The following MRTFB variants were observed in gnomAD, a reference collection of about 807,000 sequenced individuals.
MRTFB encodes myocardin related transcription factor B.
A neutral mutation model predicts 104.2 loss-of-function variants in MRTFB; 29 were observed. The observed-to-expected ratio is 0.28, with a 90% CI of 0.21 to 0.38. The LOEUF is 0.38. Among genes scored for constraint, MRTFB ranks in the 10% least tolerant of loss-of-function variants. The probability of loss-of-function intolerance (pLI) is 1.00; values close to 1 mark genes in which losing one functional copy is unlikely to be tolerated. For synonymous variants in MRTFB, 535 were observed against 519.5 expected, an observed-to-expected ratio of 1.03 and a Z score of -0.41; for missense variants, 1,270 against 1,341.6, an observed-to-expected ratio of 0.95 and a Z score of 0.83.
chr16:14,212,437 A>G (rs1271672017), intron 5 of MRTFB, 28 bp downstream of exon 5: 7 of 1,605,758 alleles, frequency 4.4e-6, no homozygotes, highest in South Asian at 1.1e-5. Flanking sequence ...AAAATGTTCT[A>G]CTTCTCTCTC....
intron 2 of MRTFB, among the ~76,000 whole-genome samples, chr16:14,094,606 T>G (rs1457943795): frequency 6.6e-6 from 1 of 152,220 alleles, no homozygotes; most frequent in Non-Finnish European, 1.5e-5. Flanking sequence ...TTCTTCCTGT[T>G]AATAAAATCT....
chr16:14,237,677 C>T (rs181767159), intron 9 of MRTFB, among the ~76,000 whole-genome samples: 7 of 152,068 alleles, frequency 4.6e-5, no homozygotes, highest in African/African-American at 1.7e-4. Flanking sequence ...CAAGGGAGTA[C>T]AGAAACCAGT....
the MRTFB span, among the ~76,000 whole-genome samples, chr16:14,025,891 A>G: frequency 3.3e-5 from 5 of 152,378 alleles, no homozygotes; most frequent in Admixed American, 1.3e-4. Flanking sequence ...ACTCAGGGAA[A>G]AAAACCCTTA....
At chr16:14,135,631 T>C (rs1262218019) in intron 2 of MRTFB, among the ~76,000 whole-genome samples, 4 of 152,252 alleles carry the variant, frequency 2.6e-5, no homozygotes, top group Admixed American at 1.3e-4. Context: ...AATTTATTCC[T>C]GTTTCTGCAT....
the MRTFB span, among the ~76,000 whole-genome samples, chr16:14,030,014 G>T: frequency 6.6e-6 from 1 of 151,988 alleles, no homozygotes; most frequent in African/African-American, 2.4e-5. Flanking sequence ...GGGGAGGGGA[G>T]GAGTGAGAGC....
intron 3 of MRTFB, among the ~76,000 whole-genome samples, chr16:14,196,065 G>A (rs1240383884): frequency 1.3e-5 from 2 of 152,198 alleles, no homozygotes; most frequent in Non-Finnish European, 2.9e-5. Context: ...ACAACATACT[G>A]TCATATCACA....
rs756843078 is a variant in MRTFB at position 14,200,462 on chromosome 16, G to C, written c.155-9781G>C. The stretch of plus-strand genomic sequence containing the variant: ...AAAAGTCAAAATCAGACATCCAGTA[G>C]CATCGTTTTTCCACTTATTCTTTCG... On this transcript the variant is annotated intron_variant, in intron 3 of 16. Transcript: ENST00000571589. The C allele has an allele frequency of 6.2e-6, 10 of 1,610,446 alleles. No homozygotes were observed. In the East Asian group the frequency reaches 2.0e-4, roughly 32 times the overall value.
intron 12 of MRTFB, 31 bp from the exon 13 acceptor site, chr16:14,248,895 A>G: frequency 6.2e-7 from 1 of 1,607,734 alleles, no homozygotes; most frequent in Non-Finnish European, 8.5e-7. Context: ...TCTGACAATT[A>G]AATTGATGTT....
At chr16:13,999,650 G>T in the MRTFB span, among the ~76,000 whole-genome samples, 1 of 152,118 alleles carries the variant, frequency 6.6e-6, no homozygotes, top group Non-Finnish European at 1.5e-5. Context: ...GGGGAGCATC[G>T]CATGGTGCCT....
intron 3 of MRTFB, among the ~76,000 whole-genome samples, chr16:14,145,226 C>T (rs991981192): frequency 1.3e-5 from 2 of 151,246 alleles, no homozygotes; most frequent in East Asian, 3.9e-4. Context: ...GTGTTGGCAT[C>T]AAAATTAATC....
intron 3 of MRTFB, among the ~76,000 whole-genome samples, chr16:14,179,259 G>C (rs2039688458): frequency 6.6e-6 from 1 of 152,216 alleles, no homozygotes; most frequent in Non-Finnish European, 1.5e-5. Flanking sequence ...ACACCTGACA[G>C]TGGTCCTCAC....
At chr16:14,223,158 GA>G (rs1331570881) in intron 8 of MRTFB, among the ~76,000 whole-genome samples, 1 of 151,912 alleles carries the variant, frequency 6.6e-6, no homozygotes, top group Non-Finnish European at 1.5e-5. Flanking sequence ...AATACAAAAA[GA>G]AATAGCTGGG....
chr16:14,027,951 C>A, the MRTFB span, among the ~76,000 whole-genome samples: 2 of 152,098 alleles, frequency 1.3e-5, no homozygotes, highest in Non-Finnish European at 2.9e-5. Context: ...CTAAGACAGG[C>A]AGATGGCTTG....
intron 3 of MRTFB, among the ~76,000 whole-genome samples, chr16:14,184,062 T>A (rs2039859493): frequency 3.2e-5 from 3 of 94,546 alleles, no homozygotes; most frequent in African/African-American, 8.5e-5. Flanking sequence ...AAAAGCAACA[T>A]CCTGAAATTT....
intron 2 of MRTFB, among the ~76,000 whole-genome samples, chr16:14,136,013 G>A (rs1463095269): frequency 6.6e-6 from 1 of 152,210 alleles, no homozygotes; most frequent in Non-Finnish European, 1.5e-5. Flanking sequence ...GCTCATGCCT[G>A]TAATTCCAGC....
At chr16:14,004,928 C>T in the MRTFB span, among the ~76,000 whole-genome samples, 4 of 152,358 alleles carry the variant, frequency 2.6e-5, no homozygotes, top group East Asian at 1.9e-4. Flanking sequence ...TTCTGAGGCC[C>T]GGTTCTCCCC....
chr16:14,058,708 A>ATTTGTTT, the MRTFB span, among the ~76,000 whole-genome samples: 9 of 102,552 alleles, frequency 8.8e-5, no homozygotes, highest in African/African-American at 3.0e-4. Flanking sequence ...TTTTATTTGT[A>ATTTGTTT]TTTGTTTTTT....
At chr16:14,066,276 A>C in the MRTFB span, among the ~76,000 whole-genome samples, 3 of 150,104 alleles carry the variant, frequency 2.0e-5, no homozygotes, top group African/African-American at 7.3e-5. Context: ...TTATTTTATT[A>C]TTATTATTAT....
intron 3 of MRTFB, among the ~76,000 whole-genome samples, chr16:14,144,948 CA>C (rs373155376): frequency 0.25 from 21,391 of 87,024 alleles, 3,106 homozygotes; most frequent in African/African-American, 0.46. Context: ...GACTCTGTCT[CA>C]AAAAAAAAAA....
Sources: allele counts gnomAD v4.1 joint callset (sites outside exome capture counted in the v4.1 genomes callset), GRCh38; gene constraint gnomAD v4.1.1; transcripts MANE v1.5; gene names NCBI Gene and HGNC (gene_info 2026-07-23, HGNC 2026-07-21).